PCCB: variants seen among roughly 807,000 people sequenced by gnomAD.
PCCB encodes the protein propionyl-CoA carboxylase subunit beta.
A neutral mutation model predicts 60.7 loss-of-function variants in PCCB; 43 were observed. That is an observed-to-expected ratio of 0.71 (90% CI 0.55 to 0.91). The LOEUF (loss-of-function observed/expected upper bound fraction) is 0.91, where lower values mean the gene tolerates loss of function less well. PCCB is among the 40% of genes least tolerant of loss of function. The pLI, the probability that PCCB is intolerant of heterozygous loss-of-function variation, is 0.00. For missense variants in PCCB, 766 were observed against 702.8 expected (o/e 1.09, Z -1.02); for synonymous variants, 276 against 255.9 (o/e 1.08, Z -0.75).
intron 8 of PCCB, among the ~76,000 whole-genome samples, chr3:136,299,906 A>G (rs1018251787): frequency 6.6e-6 from 1 of 151,908 alleles, no homozygotes; most frequent in Non-Finnish European, 1.5e-5. Flanking sequence ...GTACATATGT[A>G]TGCATGTATA....
In PCCB at chr3:136,318,051, T is replaced by G. The variant is rs557066313; in HGVS notation, c.1090+987T>G. Among the ~76,000 whole-genome samples, 3 of 152,340 alleles carry G rather than the reference T, an allele frequency of 2.0e-5. No individual in the cohort carries two copies. The South Asian group carries it at 6.2e-4, about 32-fold the overall frequency. ...AAATTTTTTATTGTCTTTAGAAAAC[T>G]GTTTTGGCTGGGTGTGGTGCCTCAC... On this transcript the variant is annotated intron_variant, in intron 10 of 14. Transcript: ENST00000251654.
chr3:136,323,493 A>G (rs1163805769), intron 10 of PCCB, among the ~76,000 whole-genome samples: 1 of 151,988 alleles, frequency 6.6e-6, no homozygotes, highest in African/African-American at 2.4e-5. Context: ...TATATTTAAG[A>G]CTAGTTTAGG....
intron 1 of PCCB, among the ~76,000 whole-genome samples, chr3:136,254,208 C>A (rs148844014): frequency 0.012 from 1,839 of 151,450 alleles, 33 homozygotes; most frequent in East Asian, 0.047. Flanking sequence ...CAAGCAATGG[C>A]GGCTTTTTTT....
chr3:136,288,427 C>A lies in PCCB; in HGVS notation c.654+4480C>A, dbSNP rs374030752. On this transcript the variant is annotated intron_variant, in intron 6 of 14. Coordinates refer to ENST00000251654, the MANE Select transcript of PCCB (RefSeq NM_000532.5). ...GTGGTGTGATCTCAGCTCACTGCAA[C>A]CTTCGGCTCCCAGGTTCAAGTGATC... 1.4e-4 allele frequency among the ~76,000 whole-genome samples: 21 copies of A among 151,940 alleles called. No individual in the cohort carries two copies. The East Asian group carries it at 3.9e-3, about 28-fold the overall frequency.
intron 3 of PCCB, among the ~76,000 whole-genome samples, chr3:136,258,388 C>T (rs1333050712): frequency 2.0e-5 from 3 of 152,108 alleles, no homozygotes; most frequent in Admixed American, 6.6e-5. Context: ...ATGCTGTAGA[C>T]CCAAGACAAG....
chr3:136,252,541 T>C (rs1477430487), intron 1 of PCCB, among the ~76,000 whole-genome samples: 2 of 151,514 alleles, frequency 1.3e-5, no homozygotes, highest in Admixed American at 6.6e-5. Flanking sequence ...TTTTTTTTTT[T>C]CCTTGAGACA....
chr3:136,259,358 G>T (rs746732624), intron 3 of PCCB: 59 of 377,996 alleles, frequency 1.6e-4, no homozygotes, highest in Middle Eastern at 6.9e-4. Context: ...CCAGCTACTC[G>T]GGAGGCTGAG....
chr3:136,252,662 A>G (rs1256716914), intron 1 of PCCB, among the ~76,000 whole-genome samples: 1 of 120,910 alleles, frequency 8.3e-6, no homozygotes, highest in Non-Finnish European at 1.7e-5. Context: ...TACCCAGCTA[A>G]TTTTTTTTTT....
chr3:136,273,582 T>C (rs1194423830), intron 5 of PCCB, among the ~76,000 whole-genome samples: 1 of 139,508 alleles, frequency 7.2e-6, no homozygotes, highest in African/African-American at 2.8e-5. Context: ...TTCTTTCTTT[T>C]TTTTTTTCTT....
chr3:136,285,279 CCTG>C (rs1933346969), intron 6 of PCCB, among the ~76,000 whole-genome samples: 1 of 152,132 alleles, frequency 6.6e-6, no homozygotes, highest in African/African-American at 2.4e-5. Context: ...ATCCTTTCCT[CCTG>C]CTACACACAT....
intron 5 of PCCB, among the ~76,000 whole-genome samples, chr3:136,275,322 A>T (rs1942309945): frequency 1.3e-5 from 2 of 150,520 alleles, no homozygotes; most frequent in Admixed American, 1.3e-4. Context: ...TTTTTCCTTC[A>T]TATTCTGAAT....
chr3:136,299,490 A>T (rs192468832), intron 8 of PCCB, among the ~76,000 whole-genome samples: 2 of 149,124 alleles, frequency 1.3e-5, no homozygotes, highest in East Asian at 3.9e-4. Context: ...GTATGTATGT[A>T]TATGCATGTG....
intron 5 of PCCB, among the ~76,000 whole-genome samples, chr3:136,281,163 T>C (rs563967719): frequency 5.9e-5 from 9 of 152,216 alleles, no homozygotes; most frequent in South Asian, 2.1e-4. Flanking sequence ...TGTATACTTA[T>C]GTCTTTCATC....
At chr3:136,266,424 C>T (rs1941985110) in intron 5 of PCCB, among the ~76,000 whole-genome samples, 1 of 151,924 alleles carries the variant, frequency 6.6e-6, no homozygotes, top group Non-Finnish European at 1.5e-5. Flanking sequence ...CCACCGCACC[C>T]AGCCAGTCTT....
At chr3:136,256,964 G>C (rs1041731257) in intron 3 of PCCB, among the ~76,000 whole-genome samples, 13 of 152,150 alleles carry the variant, frequency 8.5e-5, no homozygotes, top group Admixed American at 3.3e-4. Context: ...TAGAGAGAGT[G>C]CAGTGGGTGC....
Position 136,310,390 on chromosome 3 carries a change from G to A in PCCB, c.967-6551G>A, listed in dbSNP as rs193075062. Among the ~76,000 whole-genome samples, 11 of 152,150 alleles carry A rather than the reference G, an allele frequency of 7.2e-5. No individual in the cohort carries two copies. In the East Asian group the frequency reaches 1.9e-3, roughly 27 times the overall value. ...AAAAAAAAAAAAGCCAGGCATGGTG[G>A]TATGCACCTGTAGTCCCAGCTACTG... On this transcript the variant is annotated intron_variant, in intron 9 of 14. Coordinates refer to ENST00000251654, the MANE Select transcript of PCCB (RefSeq NM_000532.5).
intron 5 of PCCB, among the ~76,000 whole-genome samples, chr3:136,266,378 C>T (rs1461207611): frequency 6.6e-6 from 1 of 152,174 alleles, no homozygotes; most frequent in African/African-American, 2.4e-5. Context: ...ATCCATCTGC[C>T]TTGGCCTCCC....
At chr3:136,312,730 AGTTTC>A (rs1255571714) in intron 9 of PCCB, among the ~76,000 whole-genome samples, 1 of 152,224 alleles carries the variant, frequency 6.6e-6, no homozygotes, top group African/African-American at 2.4e-5. Flanking sequence ...TAACTCAACT[AGTTTC>A]AGTGAAAGAT....
intron 5 of PCCB, among the ~76,000 whole-genome samples, chr3:136,268,003 A>G (rs1248570679): frequency 1.8e-4 from 24 of 131,716 alleles, no homozygotes; most frequent in Non-Finnish European, 3.1e-4. Flanking sequence ...ATGGAGTGCA[A>G]TGGCGCTATC....
Sources: gnomAD v4.1 joint callset for allele counts (sites outside exome capture counted in the v4.1 genomes callset) on GRCh38, gnomAD v4.1.1 for gene constraint, MANE v1.5 for transcripts, NCBI Gene and HGNC (gene_info 2026-07-23, HGNC 2026-07-21) for gene names.